PDSS2: variants seen among roughly 807,000 people sequenced by gnomAD.
PDSS2 encodes decaprenyl diphosphate synthase subunit 2.
Under a neutral mutation model 44.5 loss-of-function variants are expected in PDSS2, and 31 were observed. The ratio of observed to expected loss-of-function variants is 0.70; its 90% CI spans 0.52 to 0.94. The LOEUF (loss-of-function observed/expected upper bound fraction) is 0.94, where lower values mean the gene tolerates loss of function less well. Among genes scored for constraint, PDSS2 ranks in the 40% least tolerant of loss-of-function variants. PDSS2 has a pLI of 0.00. For synonymous variants in PDSS2, 157 were observed against 180.3 expected, an observed-to-expected ratio of 0.87 and a Z score of 1.03; for missense variants, 452 against 482.2, an observed-to-expected ratio of 0.94 and a Z score of 0.59.
intron 4 of PDSS2, among the ~76,000 whole-genome samples, chr6:107,219,357 G>C (rs557173750): frequency 3.9e-5 from 6 of 152,032 alleles, no homozygotes; most frequent in South Asian, 2.1e-4. Flanking sequence ...GCGCAATCTC[G>C]GCTCACTGCA....
Position 107,429,920 on chromosome 6 carries a change from A to ATTTTTGGTG in PDSS2, c.296+29069_296+29070insCACCAAAAA, listed in dbSNP as rs1781136992. Among the ~76,000 whole-genome samples, 2 of 120,020 alleles carry ATTTTTGGTG rather than the reference A, an allele frequency of 1.7e-5. 1 individual carries two copies. The highest frequency in any genetic ancestry group is 3.4e-5 in the Non-Finnish European group (2 of 58,646). The allele number at this position is 120,020 out of a possible 152,430, so 78.7% of individuals were successfully genotyped here. On this transcript the variant is annotated intron_variant, in intron 1 of 7. Coordinates refer to ENST00000369037, the MANE Select transcript of PDSS2 (RefSeq NM_020381.4). ...AAAAAAAATATATATATATATATAT[A>ATTTTTGGTG]TATATATATATATATATACACCAAA...
chr6:107,393,202 GT>G (rs748479234), intron 1 of PDSS2, among the ~76,000 whole-genome samples: 60 of 151,978 alleles, frequency 3.9e-4, no homozygotes, highest in Admixed American at 5.9e-4. Context: ...TTGACATGTT[GT>G]TTTTTCATCT....
intron 2 of PDSS2, among the ~76,000 whole-genome samples, chr6:107,317,966 ATC>A (rs1436960258): frequency 6.6e-6 from 1 of 152,158 alleles, no homozygotes; most frequent in East Asian, 1.9e-4. Context: ...ATAAAGTAAC[ATC>A]TGTTAACAAA....
intron 3 of PDSS2, among the ~76,000 whole-genome samples, chr6:107,259,751 CT>C (rs1775151668): frequency 6.6e-6 from 1 of 152,024 alleles, no homozygotes; most frequent in Non-Finnish European, 1.5e-5. Flanking sequence ...CAGACTTCTA[CT>C]TTATGGTTCT....
chr6:107,412,189 C>G (rs1442639669), intron 1 of PDSS2, among the ~76,000 whole-genome samples: 1 of 146,056 alleles, frequency 6.8e-6, no homozygotes, highest in Non-Finnish European at 1.5e-5. Flanking sequence ...CGCCTGGCAA[C>G]TGTACTTCTT....
At chr6:107,426,432 C>A (rs1449478185) in intron 1 of PDSS2, among the ~76,000 whole-genome samples, 2 of 152,242 alleles carry the variant, frequency 1.3e-5, no homozygotes, top group Non-Finnish European at 2.9e-5. Context: ...TCATGGAGAA[C>A]CTCTGGTAGG....
intron 7 of PDSS2, among the ~76,000 whole-genome samples, chr6:107,160,690 G>A (rs1771095397): frequency 6.6e-6 from 1 of 151,740 alleles, no homozygotes; most frequent in Non-Finnish European, 1.5e-5. Flanking sequence ...TATGGGCTTG[G>A]GAGTAGCAAG....
At chr6:107,373,960 A>C (rs1398977733) in intron 1 of PDSS2, among the ~76,000 whole-genome samples, 1 of 152,192 alleles carries the variant, frequency 6.6e-6, no homozygotes, top group African/African-American at 2.4e-5. Flanking sequence ...TGAACATCTT[A>C]AAAATTATCA....
chr6:107,332,004 G>A (rs1170791985), intron 2 of PDSS2, among the ~76,000 whole-genome samples: 1 of 151,876 alleles, frequency 6.6e-6, no homozygotes, highest in African/African-American at 2.4e-5. Flanking sequence ...TGCTTTCCAG[G>A]GACTAACAGG....
At chr6:107,309,074 T>C (rs781350878) in intron 2 of PDSS2, among the ~76,000 whole-genome samples, 9 of 152,190 alleles carry the variant, frequency 5.9e-5, no homozygotes, top group Non-Finnish European at 1.2e-4. Context: ...AATAAATGAA[T>C]TGTGAAAAAG....
intron 1 of PDSS2, among the ~76,000 whole-genome samples, chr6:107,423,445 G>A (rs1263311694): frequency 6.6e-6 from 1 of 152,112 alleles, no homozygotes; most frequent in African/African-American, 2.4e-5. Flanking sequence ...CAGAATCTCT[G>A]AAAGCTTATT....
chr6:107,276,462 A>T (rs573006570), intron 2 of PDSS2, among the ~76,000 whole-genome samples: 32 of 152,310 alleles, frequency 2.1e-4, no homozygotes, highest in African/African-American at 7.5e-4. Flanking sequence ...TAGGTCCCTG[A>T]CTGAAGAGGG....
At chr6:107,348,851 T>C (rs1400162841) in intron 1 of PDSS2, among the ~76,000 whole-genome samples, 1 of 146,476 alleles carries the variant, frequency 6.8e-6, no homozygotes, top group Non-Finnish European at 1.5e-5. Context: ...GCTCTTAGCA[T>C]TTTTTTTTAA....
At chr6:107,357,443 C>T (rs894690482) in intron 1 of PDSS2, among the ~76,000 whole-genome samples, 9 of 152,070 alleles carry the variant, frequency 5.9e-5, no homozygotes, top group Non-Finnish European at 1.3e-4. Flanking sequence ...AGTTCATATA[C>T]AGTATTTTCT....
At chr6:107,166,570 T>A (rs1466984720) in intron 7 of PDSS2, among the ~76,000 whole-genome samples, 2 of 152,104 alleles carry the variant, frequency 1.3e-5, no homozygotes, top group African/African-American at 4.8e-5. Context: ...TTCACCGTGT[T>A]ATCCAGGATG....
chr6:107,439,453 C>T (rs1248451574), intron 1 of PDSS2, among the ~76,000 whole-genome samples: 1 of 152,204 alleles, frequency 6.6e-6, no homozygotes, highest in Non-Finnish European at 1.5e-5. Flanking sequence ...ACATTCCTTA[C>T]AACCATATTC....
chr6:107,415,854 G>C (rs1317419551), intron 1 of PDSS2, among the ~76,000 whole-genome samples: 5 of 152,182 alleles, frequency 3.3e-5, no homozygotes, highest in African/African-American at 1.2e-4. Flanking sequence ...TCAGAGAACT[G>C]CATTCACTTA....
intron 3 of PDSS2, among the ~76,000 whole-genome samples, chr6:107,251,727 G>A (rs892691970): frequency 6.6e-6 from 1 of 152,074 alleles, no homozygotes; most frequent in Non-Finnish European, 1.5e-5. Flanking sequence ...ATTTCTTTTT[G>A]AGCCACAAAA....
intron 1 of PDSS2, among the ~76,000 whole-genome samples, chr6:107,452,620 T>A (rs1471318444): frequency 6.6e-6 from 1 of 152,146 alleles, no homozygotes; most frequent in African/African-American, 2.4e-5. Flanking sequence ...AGTCTGTGGC[T>A]AAACTTTTCA....
Sources: allele counts gnomAD v4.1 joint callset (sites outside exome capture counted in the v4.1 genomes callset), GRCh38; gene constraint gnomAD v4.1.1; transcripts MANE v1.5; gene names NCBI Gene and HGNC (gene_info 2026-07-23, HGNC 2026-07-21).